Variants in RIOK3 observed in about 807,000 individuals in gnomAD.
RIOK3 encodes RIO kinase 3, also known as serine/threonine-protein kinase RIO3.
RIOK3 carries 40 observed loss-of-function variants against 63.5 expected under a neutral mutation model. The ratio of observed to expected loss-of-function variants is 0.63; its 90% confidence interval spans 0.49 to 0.82. The LOEUF (loss-of-function observed/expected upper bound fraction) is 0.82, where lower values mean the gene tolerates loss of function less well. Ranked by LOEUF, RIOK3 falls within the 40% of genes least tolerant of loss-of-function variation. RIOK3 has a pLI of 0.00. For synonymous variants in RIOK3, 193 were observed against 205.0 expected, an observed-to-expected ratio of 0.94 and a Z score of 0.50; for missense variants, 557 against 637.0, an observed-to-expected ratio of 0.87 and a Z score of 1.35.
At chr18:23,470,977 T>G (rs1363647171) in intron 7 of RIOK3, among the ~76,000 whole-genome samples, 1 of 152,200 alleles carries the variant, frequency 6.6e-6, no homozygotes, top group African/African-American at 2.4e-5. Flanking sequence ...TTATTAGAGA[T>G]TTCTTCCCTG....
At chr18:23,480,253 A>G (rs1598818447) in intron 12 of RIOK3, among the ~76,000 whole-genome samples, 2 of 152,226 alleles carry the variant, frequency 1.3e-5, no homozygotes, top group African/African-American at 4.8e-5. Flanking sequence ...AGTCTGTTCC[A>G]GAAATCCCCA....
At chr18:23,475,202 G>T in intron 9 of RIOK3, 95 bp downstream of exon 9, 1 of 944,958 alleles carries the variant, frequency 1.1e-6, no homozygotes, top group South Asian at 1.7e-5. Flanking sequence ...AGGCATGTTG[G>T]CTCACACTTG....
In RIOK3 at chr18:23,479,319, T is replaced by C. The variant is rs1319676134; in HGVS notation, c.1347T>C (p.Phe449=). The C allele has an allele frequency of 6.3e-7, 1 of 1,597,600 alleles. No individual in the cohort carries two copies. Among genetic ancestry groups the C allele is most frequent in the African/African-American group, 1.3e-5 (1 of 74,580 alleles). ...ACTTTCTTGTATTTCCTTACTAGTTTTTCCAGAAAGGAGGAGTCAAGGAAG... is the reference window on the plus strand; with the variant it reads ...ACTTTCTTGTATTTCCTTACTAGTTCTTCCAGAAAGGAGGAGTCAAGGAAG... ...LFRDCRNVSQ[F]FQKGGVKEAL... The change falls in exon 12 of 13, where the codon TTT becomes TTC. Residue 449 remains phenylalanine (F), a splice_region_variant and synonymous_variant. Coordinates refer to ENST00000339486, the MANE Select transcript of RIOK3 (RefSeq NM_003831.5).
intron 1 of RIOK3, among the ~76,000 whole-genome samples, chr18:23,457,312 A>T (rs916274163): frequency 6.6e-6 from 1 of 152,216 alleles, no homozygotes; most frequent in Non-Finnish European, 1.5e-5. Context: ...AGTTGTAAAA[A>T]AAATAAATAA....
intron 7 of RIOK3, among the ~76,000 whole-genome samples, chr18:23,472,585 C>G (rs947232851): frequency 6.6e-6 from 1 of 152,142 alleles, no homozygotes; most frequent in Non-Finnish European, 1.5e-5. Context: ...CATCCTGAGT[C>G]GACCCCACAC....
In RIOK3 at chr18:23,473,646, A is replaced by G. The variant is rs1413234507; in HGVS notation, c.1013+20A>G. Reference sequence around the variant, plus strand: ...CGCAAGGTAAAGAAAATATTGTGCTAGACGTAATCTTGGGTAAATACCTTT... The same window carrying G: ...CGCAAGGTAAAGAAAATATTGTGCTGGACGTAATCTTGGGTAAATACCTTT... On this transcript the variant is annotated intron_variant, in intron 8 of 12. Coordinates refer to ENST00000339486, the MANE Select transcript of RIOK3 (RefSeq NM_003831.5). The G allele has an allele frequency of 1.9e-6, 3 of 1,576,564 alleles. No individual in the cohort carries two copies. The African/African-American group carries it at 4.1e-5, about 21-fold the overall frequency.
rs1430391680 is a variant in RIOK3 at position 23,473,451 on chromosome 18, A to T, written c.838A>T (p.Ser280Cys). 6.2e-6 allele frequency: 10 copies of T among 1,609,884 alleles called. No homozygotes were observed. Among genetic ancestry groups the T allele is most frequent in the Middle Eastern group, 1.9e-4 (1 of 5,148 alleles). The change falls in exon 8 of 13, where the codon AGT (serine) becomes TGT (cysteine). Residue 280 changes from serine (S) to cysteine (C), a missense_variant. This residue lies in a region of RIOK3 where 309 missense variants were observed against 338.7 expected (regional missense o/e 0.91). Coordinates refer to ENST00000339486, the MANE Select transcript of RIOK3 (RefSeq NM_003831.5). ...TAGCATGGAGGATGAAAAGGAAGAT[A>T]GTAAAGTTATACCTACAGAATGTGC... is the stretch of plus-strand genomic sequence containing the variant. ...GGSMEDEKED[S>C]KVIPTECAIK...
chr18:23,470,999 A>G (rs781669076), intron 7 of RIOK3, among the ~76,000 whole-genome samples: 1 of 152,204 alleles, frequency 6.6e-6, no homozygotes, highest in Non-Finnish European at 1.5e-5. Flanking sequence ...AAATTGTGTC[A>G]TCTGTTAACC....
intron 1 of RIOK3, among the ~76,000 whole-genome samples, chr18:23,459,196 T>C (rs1282890818): frequency 6.6e-6 from 1 of 152,204 alleles, no homozygotes; most frequent in Non-Finnish European, 1.5e-5. Flanking sequence ...CTTTAATACC[T>C]TAGCAGAATT....
Position 23,473,592 on chromosome 18 carries a change from A to C in RIOK3, c.979A>C (p.Met327Leu). The C allele has an allele frequency of 6.2e-6, 10 of 1,613,674 alleles. No homozygotes were observed. Among genetic ancestry groups the C allele is most frequent in the Non-Finnish European group, 8.5e-6 (10 of 1,179,732 alleles). ...ACTAAATCCACGTAAGATCATCCGCATGTGGGCAGAAAAAGAAATGCACAA... is the reference window on the plus strand; with the variant it reads ...ACTAAATCCACGTAAGATCATCCGCCTGTGGGCAGAAAAAGAAATGCACAA... The part of the protein sequence containing the change: ...SKLNPRKIIR[M>L]WAEKEMHNLA... Residue 327 changes from methionine to leucine, a missense_variant, in exon 8 of 13, where the codon ATG becomes CTG. Met to Leu is a conservative substitution (Grantham distance 15). Coordinates refer to ENST00000339486, the MANE Select transcript of RIOK3 (RefSeq NM_003831.5).
At chr18:23,473,657 TG>T (rs753590395) in intron 8 of RIOK3, 31 bp downstream of exon 8, 1 of 1,518,730 alleles carries the variant, frequency 6.6e-7, no homozygotes, top group Non-Finnish European at 9.1e-7. Context: ...GACGTAATCT[TG>T]GGTAAATACC....
chr18:23,458,429 T>G (rs988055400), intron 1 of RIOK3, among the ~76,000 whole-genome samples: 2 of 151,806 alleles, frequency 1.3e-5, no homozygotes, highest in South Asian at 4.2e-4. Context: ...GAAAACAGGG[T>G]GGGTCTTAGG....
chr18:23,465,144 G>T (rs2057398096), intron 5 of RIOK3, among the ~76,000 whole-genome samples: 1 of 152,096 alleles, frequency 6.6e-6, no homozygotes, highest in South Asian at 2.1e-4. Context: ...TGCCGAGGTG[G>T]GCAGATCACC....
intron 9 of RIOK3, among the ~76,000 whole-genome samples, chr18:23,475,941 CTTTTTTTT>C (rs374984418): frequency 2.5e-5 from 2 of 80,024 alleles, no homozygotes; most frequent in Non-Finnish European, 4.8e-5. Context: ...TTTTTTGGGG[CTTTTTTTT>C]TTTTTTTTTT....
At chr18:23,469,417 TCTCTCTCTCTCTCC>T (rs1481037245) in intron 7 of RIOK3, among the ~76,000 whole-genome samples, 22 of 121,962 alleles carry the variant, frequency 1.8e-4, no homozygotes, top group Non-Finnish European at 3.4e-4. Context: ...CTCTCCTCTC[TCTCTCTCTCTCTCC>T]CTCTCCTCTC....
At chr18:23,454,235 G>A (rs2057323705) in intron 1 of RIOK3, among the ~76,000 whole-genome samples, 1 of 152,098 alleles carries the variant, frequency 6.6e-6, no homozygotes, top group Non-Finnish European at 1.5e-5. Context: ...GGGATTTTTT[G>A]TTCCACAAAT....
chr18:23,459,895 T>C (rs2057363587), intron 1 of RIOK3, among the ~76,000 whole-genome samples: 1 of 152,224 alleles, frequency 6.6e-6, no homozygotes, highest in South Asian at 2.1e-4. Context: ...GGTTTCTCCA[T>C]GTTGACCAGA....
At position 23,481,313 on chromosome 18, in the gene RIOK3, A is replaced by T. The variant is rs751698329; in HGVS notation, c.*34A>T. ...CCCACTGCTTCAGTGTTAACACAGC[A>T]GTGATTGTCAGCTGCCAATAGCAAA... On this transcript the variant is annotated 3_prime_UTR_variant, in exon 13 of 13. Transcript: ENST00000339486. The T allele has an allele frequency of 4.3e-5, 56 of 1,295,592 alleles. No individual in the cohort carries two copies. The highest frequency in any genetic ancestry group is 5.7e-5 in the Non-Finnish European group (53 of 930,350). The allele number at this position is 1,295,592 out of a possible 1,614,324, so 80.3% of individuals were successfully genotyped here.
intron 1 of RIOK3, among the ~76,000 whole-genome samples, chr18:23,460,898 A>G (rs554146586): frequency 1.3e-5 from 2 of 152,320 alleles, no homozygotes; most frequent in South Asian, 4.1e-4. Context: ...TGAAAGACAC[A>G]CCAGACTTTC....
Sources: allele counts gnomAD v4.1 joint callset (sites outside exome capture counted in the v4.1 genomes callset), GRCh38; gene constraint gnomAD v4.1.1; regional missense constraint gnomAD v4.1.1; transcripts MANE v1.5; gene names NCBI Gene and HGNC (gene_info 2026-07-23, HGNC 2026-07-21).